MICU1: variants seen among roughly 807,000 people sequenced by gnomAD.
MICU1 encodes the protein calcium uptake protein 1, mitochondrial.
Under a neutral mutation model 56.8 loss-of-function variants are expected in MICU1, and 45 were observed. That is an observed-to-expected ratio of 0.79 (90% CI 0.62 to 1.02). The LOEUF is 1.02. Among genes scored for constraint, MICU1 ranks in the 50% least tolerant of loss-of-function variants. The pLI, the probability that MICU1 is intolerant of heterozygous loss-of-function variation, is 0.00. For synonymous variants in MICU1, 186 were observed against 195.1 expected (o/e 0.95, Z 0.39); for missense variants, 504 against 587.1 (o/e 0.86, Z 1.46).
At chr10:72,453,987 C>G (rs1254926963) in intron 8 of MICU1, among the ~76,000 whole-genome samples, 4 of 152,072 alleles carry the variant, frequency 2.6e-5, no homozygotes, top group Admixed American at 2.6e-4. Context: ...AGATGCACAC[C>G]ACCACGCCCA....
chr10:72,431,878 T>TA (rs1430887708), intron 8 of MICU1, among the ~76,000 whole-genome samples: 3 of 152,130 alleles, frequency 2.0e-5, no homozygotes, highest in Non-Finnish European at 2.9e-5. Context: ...TCAAACATAA[T>TA]AAAAAATCTT....
At chr10:72,510,309 A>T (rs1867401486) in intron 5 of MICU1, among the ~76,000 whole-genome samples, 2 of 152,154 alleles carry the variant, frequency 1.3e-5, no homozygotes, top group Non-Finnish European at 2.9e-5. Flanking sequence ...GATTAGTATA[A>T]AGTACTATTA....
intron 10 of MICU1, among the ~76,000 whole-genome samples, chr10:72,402,047 G>A (rs11000288): frequency 7.2e-5 from 11 of 151,968 alleles, no homozygotes; most frequent in African/African-American, 2.7e-4. Context: ...CCCCTAGCAG[G>A]ACAGGACCAT....
At chr10:72,397,156 C>G (rs1367371785) in intron 10 of MICU1, among the ~76,000 whole-genome samples, 1 of 152,142 alleles carries the variant, frequency 6.6e-6, no homozygotes, top group East Asian at 1.9e-4. Flanking sequence ...TAATTTTCAA[C>G]CCAGAATTTC....
intron 9 of MICU1, 139 bp downstream of exon 9, chr10:72,423,095 C>T (rs535103296): frequency 2.6e-5 from 30 of 1,146,428 alleles, no homozygotes; most frequent in African/African-American, 1.1e-4. Flanking sequence ...TTTCTCCCTA[C>T]GGACCTCAGG....
intron 1 of MICU1, among the ~76,000 whole-genome samples, chr10:72,621,360 T>C (rs1589398308): frequency 6.6e-6 from 1 of 150,946 alleles, no homozygotes; most frequent in African/African-American, 2.4e-5. Flanking sequence ...GCCGTGGTGG[T>C]AGGTGCCTGT....
At chr10:72,380,609 T>C (rs1221616221) in intron 10 of MICU1, among the ~76,000 whole-genome samples, 2 of 152,312 alleles carry the variant, frequency 1.3e-5, no homozygotes, top group African/African-American at 2.4e-5. Context: ...AGAGCCCAAA[T>C]GTCCACTTGG....
At chr10:72,389,347 C>A (rs1253915330) in intron 10 of MICU1, among the ~76,000 whole-genome samples, 1 of 152,186 alleles carries the variant, frequency 6.6e-6, no homozygotes. Flanking sequence ...TCTCAGAGGT[C>A]ATCTCTGCCA....
intron 5 of MICU1, among the ~76,000 whole-genome samples, chr10:72,527,135 C>T (rs886196362): frequency 4.6e-5 from 7 of 151,954 alleles, no homozygotes; most frequent in African/African-American, 1.7e-4. Context: ...TCTAGCTGTA[C>T]TTTATCAAAG....
chr10:72,432,954 T>C (rs149103308), intron 8 of MICU1, among the ~76,000 whole-genome samples: 2 of 152,358 alleles, frequency 1.3e-5, no homozygotes, highest in South Asian at 2.1e-4. Context: ...TCTTCCTTTA[T>C]GTTTTTTTTG....
At chr10:72,611,884 A>T (rs1251490796) in intron 1 of MICU1, among the ~76,000 whole-genome samples, 6 of 151,938 alleles carry the variant, frequency 3.9e-5, no homozygotes, top group Non-Finnish European at 8.8e-5. Context: ...CTGCTTGGGA[A>T]AATGAGGCAG....
chr10:72,541,479 T>C (rs1839771979), intron 4 of MICU1, among the ~76,000 whole-genome samples: 1 of 152,314 alleles, frequency 6.6e-6, no homozygotes, highest in East Asian at 1.9e-4. Flanking sequence ...TTCTGGCAAC[T>C]GAATGACCCC....
intron 1 of MICU1, among the ~76,000 whole-genome samples, chr10:72,600,535 G>C (rs531436186): frequency 2.7e-5 from 4 of 150,822 alleles, no homozygotes; most frequent in Non-Finnish European, 5.9e-5. Context: ...TGTAATCCCA[G>C]CTACTCAGGA....
chr10:72,396,546 A>G (rs1044159524), intron 10 of MICU1, among the ~76,000 whole-genome samples: 6 of 152,218 alleles, frequency 3.9e-5, no homozygotes, highest in Admixed American at 6.5e-5. Flanking sequence ...AAAAAAGATT[A>G]GACGAATGGC....
chr10:72,395,804 C>T (rs1057291403), intron 10 of MICU1, among the ~76,000 whole-genome samples: 2 of 152,254 alleles, frequency 1.3e-5, no homozygotes, highest in African/African-American at 2.4e-5. Context: ...GAGCCCACCA[C>T]AGCTCAACAG....
intron 8 of MICU1, among the ~76,000 whole-genome samples, chr10:72,466,982 T>A (rs57711732): frequency 0.058 from 8,108 of 139,104 alleles, 744 homozygotes; most frequent in African/African-American, 0.24. Context: ...AATACCTTCA[T>A]TTTTTTTTTT....
chr10:72,612,566 G>A (rs1165979278), intron 1 of MICU1, among the ~76,000 whole-genome samples: 1 of 152,184 alleles, frequency 6.6e-6, no homozygotes, highest in African/African-American at 2.4e-5. Flanking sequence ...GGTGGCTGAA[G>A]CAGGAGGATC....
chr10:72,384,115 T>C (rs571491313), intron 10 of MICU1, among the ~76,000 whole-genome samples: 4 of 152,292 alleles, frequency 2.6e-5, no homozygotes, highest in African/African-American at 9.6e-5. Context: ...CGCCTCAGCC[T>C]CGGAAGTAGC....
In MICU1 at chr10:72,568,214, T is replaced by TA. The variant is rs369810841; in HGVS notation, c.-1-1421dup. Among the ~76,000 whole-genome samples the TA allele has an allele frequency of 1.3e-4, 19 of 151,846 alleles. No individual in the cohort carries two copies. The South Asian group carries it at 2.3e-3, about 18-fold the overall frequency. Reference sequence around the variant, plus strand: ...GATTCTCTATAGTTCAAACTTCACTTAAAAAAAAATTCTTTTAATGTTTTG... The same window carrying TA: ...GATTCTCTATAGTTCAAACTTCACTTAAAAAAAAAATTCTTTTAATGTTTTG... On this transcript the variant is annotated intron_variant, in intron 1 of 11. Transcript: ENST00000361114.
Sources: gnomAD v4.1 joint callset for allele counts (sites outside exome capture counted in the v4.1 genomes callset) on GRCh38, gnomAD v4.1.1 for gene constraint, MANE v1.5 for transcripts, NCBI Gene and HGNC (gene_info 2026-07-23, HGNC 2026-07-21) for gene names.